DLG2: variants seen among roughly 807,000 people sequenced by gnomAD.
The protein encoded by DLG2 is disks large homolog 2.
Under a neutral mutation model 132.5 loss-of-function variants are expected in DLG2, and 45 were observed. The ratio of observed to expected loss-of-function variants is 0.34; its 90% CI spans 0.27 to 0.44. DLG2 has a LOEUF of 0.44. Ranked by LOEUF, DLG2 falls within the 20% of genes least tolerant of loss-of-function variation. The pLI, the probability that DLG2 is intolerant of heterozygous loss-of-function variation, is 1.00. For synonymous variants in DLG2, 424 were observed against 419.6 expected (o/e 1.01, Z -0.13); for missense variants, 1,045 against 1,196.9 (o/e 0.87, Z 1.87).
intron 15 of DLG2, among the ~76,000 whole-genome samples, chr11:83,888,145 A>G (rs945752459): frequency 3.3e-5 from 5 of 150,852 alleles, no homozygotes; most frequent in African/African-American, 1.2e-4. Flanking sequence ...AATTAGGAAA[A>G]GAGGAAGTCA....
chr11:83,776,592 C>G (rs1242331363), intron 18 of DLG2, among the ~76,000 whole-genome samples: 2 of 152,278 alleles, frequency 1.3e-5, no homozygotes, highest in South Asian at 2.1e-4. Flanking sequence ...TTTCAAAGGT[C>G]CTTTCATTGT....
intron 6 of DLG2, among the ~76,000 whole-genome samples, chr11:84,723,792 ATGAT>A (rs1445867081): frequency 8.5e-5 from 13 of 152,282 alleles, no homozygotes; most frequent in African/African-American, 2.9e-4. Flanking sequence ...AGACCTTTCA[ATGAT>A]TGATAAAATT....
chr11:84,740,340 C>T (rs1215294045), intron 6 of DLG2, among the ~76,000 whole-genome samples: 1 of 152,128 alleles, frequency 6.6e-6, no homozygotes, highest in Non-Finnish European at 1.5e-5. Context: ...ATAATCCCAT[C>T]AGGCTCCATT....
chr11:84,773,476 A>C (rs1416289152), intron 6 of DLG2, among the ~76,000 whole-genome samples: 1 of 152,182 alleles, frequency 6.6e-6, no homozygotes, highest in Non-Finnish European at 1.5e-5. Context: ...TGAAGAAAGT[A>C]AACTTCAGGC....
intron 18 of DLG2, among the ~76,000 whole-genome samples, chr11:83,773,314 C>T (rs2094467941): frequency 6.6e-6 from 1 of 152,158 alleles, no homozygotes; most frequent in Non-Finnish European, 1.5e-5. Context: ...TGGAGTTGTT[C>T]TGTAGATTCA....
At chr11:84,439,143 C>G (rs1461916574) in intron 7 of DLG2, among the ~76,000 whole-genome samples, 1 of 152,188 alleles carries the variant, frequency 6.6e-6, no homozygotes, top group Non-Finnish European at 1.5e-5. Flanking sequence ...TAGCACAACA[C>G]ATTTAATCTA....
intron 19 of DLG2, among the ~76,000 whole-genome samples, chr11:83,561,168 G>A (rs1033220238): frequency 2.6e-5 from 4 of 152,058 alleles, no homozygotes; most frequent in East Asian, 1.9e-4. Context: ...ACAAGAAATC[G>A]CCCCCATGAT....
intron 5 of DLG2, among the ~76,000 whole-genome samples, chr11:85,140,485 G>T (rs2076395421): frequency 6.6e-6 from 1 of 151,724 alleles, no homozygotes; most frequent in Non-Finnish European, 1.5e-5. Context: ...TAGGGTACAT[G>T]TGATGTTCTG....
At chr11:85,614,640 C>T (rs1490601266) in intron 2 of DLG2, among the ~76,000 whole-genome samples, 1 of 152,030 alleles carries the variant, frequency 6.6e-6, no homozygotes. Context: ...AACTCCATCT[C>T]CAAATAAATA....
At chr11:84,928,982 G>GTGTGTGTATATATATA (rs1400906684) in intron 6 of DLG2, among the ~76,000 whole-genome samples, 35 of 49,104 alleles carry the variant, frequency 7.1e-4, no homozygotes, top group South Asian at 2.6e-3. Context: ...GTGTGTGTGT[G>GTGTGTGTATATATATA]TATATATATA....
At chr11:84,387,658 T>C (rs1264533981) in intron 7 of DLG2, among the ~76,000 whole-genome samples, 1 of 152,146 alleles carries the variant, frequency 6.6e-6, no homozygotes, top group Non-Finnish European at 1.5e-5. Flanking sequence ...AAAGATCAAA[T>C]GTTAGAGTTA....
At chr11:84,370,514 T>C (rs1053124330) in intron 7 of DLG2, among the ~76,000 whole-genome samples, 2 of 152,128 alleles carry the variant, frequency 1.3e-5, no homozygotes, top group African/African-American at 2.4e-5. Context: ...CTTATCCACA[T>C]AGGATTTTGG....
intron 18 of DLG2, among the ~76,000 whole-genome samples, chr11:83,686,906 T>C (rs1413563038): frequency 6.6e-6 from 1 of 152,296 alleles, no homozygotes; most frequent in Non-Finnish European, 1.5e-5. Context: ...TATTGGGAAA[T>C]AGAATTGTTG....
chr11:84,696,218 C>T (rs983918178), intron 6 of DLG2, among the ~76,000 whole-genome samples: 1 of 151,546 alleles, frequency 6.6e-6, no homozygotes, highest in African/African-American at 2.4e-5. Flanking sequence ...CTCTATGCTA[C>T]TTATTATAAT....
intron 6 of DLG2, among the ~76,000 whole-genome samples, chr11:85,056,638 A>T (rs1376276168): frequency 6.6e-6 from 1 of 152,024 alleles, no homozygotes; most frequent in Non-Finnish European, 1.5e-5. Context: ...AAAAAGCTAC[A>T]GATTCAAGAA....
rs1257144759 is a variant in DLG2, at chr11:85,162,216, T to C, written c.187-7565A>G. Among the ~76,000 whole-genome samples the C allele has an allele frequency of 2.6e-5, 4 of 152,276 alleles. No individual in the cohort carries two copies. The East Asian group carries it at 5.8e-4, about 22-fold the overall frequency. ...CTCCACAACGGGAAGTAAGGAAGTG[T>C]GTGCGTGGAATACAGGAGATCCATT... On this transcript the variant is annotated intron_variant, in intron 4 of 27. Coordinates refer to ENST00000376104, the MANE Select transcript of DLG2 (RefSeq NM_001142699.3).
chr11:83,659,414 C>T (rs1046585539), intron 18 of DLG2, among the ~76,000 whole-genome samples: 1 of 152,190 alleles, frequency 6.6e-6, no homozygotes, highest in African/African-American at 2.4e-5. Context: ...CATACAATTG[C>T]ACTCCATCTC....
At position 84,580,301 on chromosome 11, in the gene DLG2, G is replaced by T. The variant is rs183428299; in HGVS notation, c.358-45570C>A. ...TTAAAACAAATATAAATAATCTAAG[G>T]CCTGGCCTGTAAAATTTGCATGGAT... On this transcript the variant is annotated intron_variant, in intron 6 of 27. Coordinates refer to ENST00000376104, the MANE Select transcript of DLG2 (RefSeq NM_001142699.3). 1.4e-4 allele frequency among the ~76,000 whole-genome samples: 21 copies of T among 152,232 alleles called. No homozygotes were observed. In the South Asian group the frequency reaches 2.1e-3, roughly 15 times the overall value.
At chr11:84,114,532 T>A (rs1041212024) in intron 9 of DLG2, among the ~76,000 whole-genome samples, 1 of 152,142 alleles carries the variant, frequency 6.6e-6, no homozygotes, top group African/African-American at 2.4e-5. Context: ...TGAATGCTTA[T>A]CAAATTAATA....
Sources: gnomAD v4.1 joint callset for allele counts (sites outside exome capture counted in the v4.1 genomes callset) on GRCh38, gnomAD v4.1.1 for gene constraint, MANE v1.5 for transcripts, NCBI Gene and HGNC (gene_info 2026-07-23, HGNC 2026-07-21) for gene names.